The following SHISA9 variants were observed in gnomAD, a reference collection of about 807,000 sequenced individuals.
The protein encoded by SHISA9 is shisa family member 9.
A neutral mutation model predicts 38.0 loss-of-function variants in SHISA9; 13 were observed. The ratio of observed to expected loss-of-function variants is 0.34; its 90% CI spans 0.22 to 0.54. The LOEUF is 0.54. SHISA9 is among the 20% of genes least tolerant of loss of function. SHISA9 has a pLI of 0.91. For synonymous variants in SHISA9, 275 were observed against 242.0 expected, an observed-to-expected ratio of 1.14 and a Z score of -1.27; for missense variants, 538 against 575.8, an observed-to-expected ratio of 0.93 and a Z score of 0.67.
chr16:13,266,331 C>G, the SHISA9 span, among the ~76,000 whole-genome samples: 4 of 152,118 alleles, frequency 2.6e-5, no homozygotes, highest in African/African-American at 9.7e-5. Context: ...TGATTTCCCT[C>G]TTTGGAAAGA....
At chr16:13,414,930 G>T in the SHISA9 span, among the ~76,000 whole-genome samples, 1 of 152,142 alleles carries the variant, frequency 6.6e-6, no homozygotes, top group Non-Finnish European at 1.5e-5. Context: ...ACTGTGCCTG[G>T]CCAGGAACAA....
chr16:13,279,941 A>G, the SHISA9 span, among the ~76,000 whole-genome samples: 2 of 151,794 alleles, frequency 1.3e-5, no homozygotes, highest in African/African-American at 2.4e-5. Flanking sequence ...TATTGTCCTT[A>G]TTTTGGTAAA....
the SHISA9 span, among the ~76,000 whole-genome samples, chr16:13,287,927 C>G: frequency 1.3e-5 from 2 of 151,998 alleles, no homozygotes; most frequent in South Asian, 4.1e-4. Context: ...CTGTTGAAGC[C>G]CCTTCGCTAA....
chr16:13,506,485 G>A, the SHISA9 span, among the ~76,000 whole-genome samples: 30,437 of 152,086 alleles, frequency 0.2, 3,269 homozygotes, highest in South Asian at 0.34. Flanking sequence ...TGAGGAGGAC[G>A]GGGTTGAAAT....
chr16:13,506,966 C>T, the SHISA9 span, among the ~76,000 whole-genome samples: 2 of 151,986 alleles, frequency 1.3e-5, no homozygotes, highest in African/African-American at 2.4e-5. Context: ...TCACTTGAGT[C>T]TGCGAGGTCG....
chr16:13,336,131 G>T, the SHISA9 span, among the ~76,000 whole-genome samples: 1 of 152,140 alleles, frequency 6.6e-6, no homozygotes, highest in East Asian at 1.9e-4. Context: ...CTAGTGGAAA[G>T]GTCACGTGGT....
chr16:13,038,141 C>T (rs1347613185), intron 2 of SHISA9, among the ~76,000 whole-genome samples: 1 of 152,080 alleles, frequency 6.6e-6, no homozygotes, highest in East Asian at 1.9e-4. Flanking sequence ...AGGTGTGCAC[C>T]ATCATGCCTG....
intron 2 of SHISA9, among the ~76,000 whole-genome samples, chr16:13,079,119 C>T (rs2073618091): frequency 6.6e-6 from 1 of 152,170 alleles, no homozygotes; most frequent in African/African-American, 2.4e-5. Context: ...GAGGGTGAAA[C>T]ATGGCATGGA....
At chr16:13,103,800 T>A (rs559723051) in intron 2 of SHISA9, among the ~76,000 whole-genome samples, 1 of 152,360 alleles carries the variant, frequency 6.6e-6, no homozygotes, top group Admixed American at 6.5e-5. Flanking sequence ...AACGTTTGTA[T>A]CTTGAGATGC....
the SHISA9 span, among the ~76,000 whole-genome samples, chr16:13,352,249 G>C: frequency 6.6e-6 from 1 of 152,156 alleles, no homozygotes; most frequent in African/African-American, 2.4e-5. Context: ...TGATTTCTTT[G>C]ACTTCATAAA....
intron 2 of SHISA9, among the ~76,000 whole-genome samples, chr16:13,057,750 C>T (rs560698331): frequency 1.3e-5 from 2 of 152,286 alleles, no homozygotes; most frequent in South Asian, 4.1e-4. Flanking sequence ...CCTATCAACC[C>T]ATTACCTAGG....
intron 2 of SHISA9, among the ~76,000 whole-genome samples, chr16:12,922,966 C>T (rs565634281): frequency 6.6e-6 from 1 of 152,146 alleles, no homozygotes; most frequent in South Asian, 2.1e-4. Flanking sequence ...AGGAACTGGG[C>T]TGACTCATGG....
At chr16:13,187,328 C>CTTTTCTTTTT (rs1450024008) in intron 2 of SHISA9, among the ~76,000 whole-genome samples, 1 of 90,684 alleles carries the variant, frequency 1.1e-5, no homozygotes, top group Non-Finnish European at 2.2e-5. Flanking sequence ...CTTTTCTTTT[C>CTTTTCTTTTT]TTTTTTTTTT....
intron 1 of SHISA9, chr16:12,910,149 A>T (rs2071162316): frequency 6.6e-6 from 1 of 152,248 alleles, no homozygotes; most frequent in South Asian, 2.1e-4. Flanking sequence ...GAGCCACTGC[A>T]CCTGGCCCTT....
intron 4 of SHISA9, among the ~76,000 whole-genome samples, chr16:13,220,430 A>AGATGGAGAGATG (rs1259384954): frequency 2.0e-5 from 3 of 152,222 alleles, no homozygotes; most frequent in African/African-American, 4.8e-5. Flanking sequence ...CACACGGAAC[A>AGATGGAGAGATG]GAGTGTAGAG....
intron 2 of SHISA9, among the ~76,000 whole-genome samples, chr16:13,118,823 G>A (rs549724350): frequency 1.4e-5 from 2 of 147,794 alleles, no homozygotes; most frequent in South Asian, 2.1e-4. Context: ...TCCACCTCAC[G>A]GGTTCAAGCC....
intron 2 of SHISA9, among the ~76,000 whole-genome samples, chr16:13,118,817 C>T (rs58328809): frequency 0.03 from 4,607 of 151,546 alleles, 101 homozygotes; most frequent in East Asian, 0.11. Flanking sequence ...GCAACCTCCA[C>T]CTCACGGGTT....
chr16:13,455,780 G>A, the SHISA9 span, among the ~76,000 whole-genome samples: 4 of 152,086 alleles, frequency 2.6e-5, no homozygotes, highest in South Asian at 2.1e-4. Flanking sequence ...CACCCTAACC[G>A]CAGCCTCCCT....
At chr16:13,187,115 C>A in intron 2 of SHISA9, among the ~76,000 whole-genome samples, 1 of 152,006 alleles carries the variant, frequency 6.6e-6, no homozygotes, top group Admixed American at 6.5e-5. Context: ...CTGACTTCCC[C>A]GTTTCCCCCA....
Sources: allele counts gnomAD v4.1 joint callset (sites outside exome capture counted in the v4.1 genomes callset), GRCh38; gene constraint gnomAD v4.1.1; transcripts MANE v1.5; gene names NCBI Gene and HGNC (gene_info 2026-07-23, HGNC 2026-07-21).